The following ERN2 variants were observed in gnomAD, a reference collection of about 807,000 sequenced individuals.
ERN2 encodes the protein endoplasmic reticulum to nucleus signaling 2.
ERN2 carries 111 observed loss-of-function variants against 107.9 expected under a neutral mutation model. The observed-to-expected ratio is 1.03, with a 90% CI of 0.88 to 1.20. The LOEUF is 1.20. Among genes scored for constraint, ERN2 ranks in the 50% most tolerant of loss-of-function variants. The probability of loss-of-function intolerance (pLI) is 0.00; values close to 1 mark genes in which losing one functional copy is unlikely to be tolerated. For missense variants in ERN2, 1,225 were observed against 1,197.9 expected, an observed-to-expected ratio of 1.02 and a Z score of -0.33; for synonymous variants, 524 against 501.7, an observed-to-expected ratio of 1.04 and a Z score of -0.59.
chr16:23,692,964 AT>A (rs35837766), intron 17 of ERN2, among the ~76,000 whole-genome samples: 275 of 146,052 alleles, frequency 1.9e-3, no homozygotes, highest in African/African-American at 3.3e-3. Flanking sequence ...AGCGATTCTG[AT>A]TTTTTTTTTT....
At chr16:23,710,642 T>C in intron 2 of ERN2, 93 bp from the exon 3 acceptor site, 1 of 1,383,136 alleles carries the variant, frequency 7.2e-7, no homozygotes, top group Non-Finnish European at 1.0e-6. Context: ...ATGACTGTGA[T>C]GTCAAGCACT....
Position 23,705,093 on chromosome 16 carries a change from C to T in ERN2, c.644G>A (p.Gly215Glu), listed in dbSNP as rs768360632. 3.1e-6 allele frequency: 5 copies of T among 1,613,976 alleles called. No homozygotes were observed. The highest frequency in any genetic ancestry group is 4.2e-6 in the Non-Finnish European group (5 of 1,179,904). The change falls in exon 8 of 22, where the codon GGA (glycine) becomes GAA (glutamate). Residue 215 changes from glycine to glutamate, a missense_variant. Coordinates refer to ENST00000256797, the MANE Select transcript of ERN2 (RefSeq NM_033266.4). ...CTGTGTCCACAGCACCGTCCCGCTT[C>T]CTGGGTCCACAGTGAGCAGCAGGCC... Reference protein sequence around the residue: ...GMGLLLTVDPGSGTVLWTQDL... With the variant: ...GMGLLLTVDPESGTVLWTQDL...
chr16:23,690,345 A>G lies in ERN2; in HGVS notation c.*486T>C, dbSNP rs1269380655. Reference sequence around the variant, plus strand: ...AACTGTCCTTTCCTTGGCTTTATGCACATTAAACAGATGTGAATATTCTTT... The same window carrying G: ...AACTGTCCTTTCCTTGGCTTTATGCGCATTAAACAGATGTGAATATTCTTT... On this transcript the variant is annotated 3_prime_UTR_variant, in exon 22 of 22. Coordinates refer to ENST00000256797, the MANE Select transcript of ERN2 (RefSeq NM_033266.4). 17 of 546,932 alleles carry G rather than the reference A, an allele frequency of 3.1e-5. No individual in the cohort carries two copies. The highest frequency in any genetic ancestry group is 3.3e-5 in the Non-Finnish European group (10 of 304,282). The allele number at this position is 546,932 out of a possible 1,614,324, so 33.9% of individuals were successfully genotyped here.
chr16:23,704,793 GT>G, intron 8 of ERN2, 89 bp downstream of exon 8: 1 of 1,393,842 alleles, frequency 7.2e-7, no homozygotes, highest in Non-Finnish European at 9.9e-7. Context: ...GTACTGGTGT[GT>G]CACAGCTGAA....
intron 1 of ERN2, 65 bp downstream of exon 1, chr16:23,713,030 G>A: frequency 7.7e-7 from 1 of 1,290,830 alleles, no homozygotes; most frequent in African/African-American, 1.6e-5. Context: ...CGCCCCAAGT[G>A]CGACGCCGCC....
intron 4 of ERN2, chr16:23,709,240 G>A: frequency 2.2e-6 from 1 of 453,048 alleles, no homozygotes; most frequent in South Asian, 1.6e-5. Context: ...AGGCTGCAGT[G>A]AGCCTTGTGA....
At chr16:23,711,439 C>T (rs1283134221) in intron 1 of ERN2, among the ~76,000 whole-genome samples, 2 of 152,198 alleles carry the variant, frequency 1.3e-5, no homozygotes, top group Non-Finnish European at 2.9e-5. Context: ...TCACTGTGGC[C>T]TCAAACCCCT....
chr16:23,700,636 G>A lies in ERN2; in HGVS notation c.1428C>T (p.Ser476=). ...CCGAGTGCAGGGACTGGGCATCCTG[G>A]GAGATGTGAGCAAAGTCTGCAGGTG... ...PLAPADFAHI[S]QDAQSLHSGA... The change falls in exon 13 of 22, where the codon TCC becomes TCT. Residue 476 remains serine, a synonymous_variant. Coordinates refer to ENST00000256797, the MANE Select transcript of ERN2 (RefSeq NM_033266.4). 1 of 1,614,162 alleles carries A rather than the reference G, an allele frequency of 6.2e-7. No homozygotes were observed. The highest frequency in any genetic ancestry group is 1.1e-5 in the South Asian group (1 of 91,082).
At chr16:23,699,738 C>T (rs767130855) in intron 13 of ERN2, among the ~76,000 whole-genome samples, 1 of 152,016 alleles carries the variant, frequency 6.6e-6, no homozygotes, top group Non-Finnish European at 1.5e-5. Flanking sequence ...GGGCTTTAGT[C>T]TTTAGAAGAC....
At chr16:23,702,818 G>C (rs1230871251) in intron 8 of ERN2, 116 bp from the exon 9 acceptor site, 4 of 889,244 alleles carry the variant, frequency 4.5e-6, no homozygotes, top group Admixed American at 2.0e-5. Flanking sequence ...GCTTAGCCAT[G>C]AGACTTGCTT....
In ERN2 at chr16:23,695,497, G is replaced by A. The variant is rs188096969; in HGVS notation, c.1611-108C>T. On this transcript the variant is annotated intron_variant, in intron 14 of 21. Transcript: ENST00000256797. Reference sequence around the variant, plus strand: ...TCCTAGCACTTTGGGAGGCCAAGGCGGGCGGGTCACTTGAGGTCAGGAGTT... The same window carrying A: ...TCCTAGCACTTTGGGAGGCCAAGGCAGGCGGGTCACTTGAGGTCAGGAGTT... 438 of 1,100,270 alleles carry A rather than the reference G, an allele frequency of 4.0e-4. 2 individuals are homozygous for A. In the African/African-American group the frequency reaches 5.4e-3, roughly 13 times the overall value. 68.2% of individuals were successfully genotyped at this position (1,100,270 alleles called of 1,614,324 possible).
rs1959565963 is a variant in ERN2 at position 23,690,986 on chromosome 16, CAG to C, written c.2624_2625del (p.Pro875ArgfsTer28). On this transcript the variant is annotated frameshift_variant, in exon 22 of 22. Coordinates refer to ENST00000256797, the MANE Select transcript of ERN2 (RefSeq NM_033266.4). LOFTEE classifies it low-confidence loss of function (END_TRUNC). ...TTTGTGAAGTACTGGACGAAGCCAT[CAG>C]GGACTTGGCCGAGTGCCTGTCGCAC... ...VEVRQALGQVPDGFVQYFTNR... is the reference protein window; with the variant it reads ...VEVRQALGQVXDGFVQYFTNR... 2 of 1,614,044 alleles carry C rather than the reference CAG, an allele frequency of 1.2e-6. No homozygotes were observed. The highest frequency in any genetic ancestry group is 1.3e-5 in the African/African-American group (1 of 74,914).
chr16:23,690,978 G>A lies in ERN2; in HGVS notation c.2634C>T (p.Phe878=), dbSNP rs760290692. Residue 878 remains phenylalanine, a synonymous_variant, in exon 22 of 22, where the codon TTC becomes TTT. Transcript: ENST00000256797. ...GGAAGCGGTTTGTGAAGTACTGGAC[G>A]AAGCCATCAGGGACTTGGCCGAGTG... ...RQALGQVPDG[F]VQYFTNRFPR... The A allele has an allele frequency of 4.3e-6, 7 of 1,614,038 alleles. No homozygotes were observed. The highest frequency in any genetic ancestry group is 5.1e-6 in the Non-Finnish European group (6 of 1,180,038).
In ERN2 at chr16:23,710,445, C is replaced by G. The variant is rs549350555; in HGVS notation, c.233+71G>C. 3 of 1,523,872 alleles carry G rather than the reference C, an allele frequency of 2.0e-6. No homozygotes were observed. The East Asian group carries it at 6.8e-5, about 34-fold the overall frequency. 94.4% of individuals were successfully genotyped at this position (1,523,872 alleles called of 1,614,324 possible). A position where few individuals can be genotyped will look rare whatever the true frequency, so the allele number is the denominator to read the frequency against. On this transcript the variant is annotated intron_variant, in intron 3 of 21. Transcript: ENST00000256797. ...AACATGTCCCTGCCCCACATACAAA[C>G]TCTCTCCAGACAACTATGAGTCCCC... is the stretch of plus-strand genomic sequence containing the variant.
chr16:23,701,872 G>A (rs1257152920), intron 11 of ERN2, among the ~76,000 whole-genome samples: 6 of 151,920 alleles, frequency 3.9e-5, no homozygotes, highest in South Asian at 2.1e-4. Flanking sequence ...CTGACCTCAA[G>A]CCATCCATCC....
intron 17 of ERN2, among the ~76,000 whole-genome samples, chr16:23,693,091 A>AAGACC (rs970500391): frequency 6.6e-5 from 10 of 151,640 alleles, no homozygotes; most frequent in Non-Finnish European, 1.5e-5. Flanking sequence ...CCAGGAGTTC[A>AAGACC]AGACCAGCGT....
At chr16:23,707,260 A>C (rs1413064613) in intron 4 of ERN2, 181 bp from the exon 5 acceptor site, 3 of 603,972 alleles carry the variant, frequency 5.0e-6, no homozygotes, top group Non-Finnish European at 6.1e-6. Flanking sequence ...CAGCTACTAA[A>C]TGGCAGAGCC....
At chr16:23,710,657 G>T in intron 2 of ERN2, 108 bp from the exon 3 acceptor site, 1 of 1,296,162 alleles carries the variant, frequency 7.7e-7, no homozygotes, top group South Asian at 1.2e-5. Flanking sequence ...AGCACTTGGT[G>T]TGAATGTAAT....
rs755903347 is a variant in ERN2, at chr16:23,702,663, A to G, written c.894T>C (p.Tyr298=). 3.7e-6 allele frequency: 6 copies of G among 1,614,114 alleles called. No individual in the cohort carries two copies. The highest frequency in any genetic ancestry group is 5.1e-6 in the Non-Finnish European group (6 of 1,180,036). Residue 298 remains tyrosine (Y), a synonymous_variant, in exon 9 of 22, where the codon TAT becomes TAC. Transcript: ENST00000256797. ...LYVGKDETGF[Y]VSKALVHTGV... ...CTGTGTGGACCAGTGCTTTAGAGACATAGAAGCCAGTTTCATCCTTCCCCA... is the reference window on the plus strand; with the variant it reads ...CTGTGTGGACCAGTGCTTTAGAGACGTAGAAGCCAGTTTCATCCTTCCCCA...
Sources: gnomAD v4.1 joint callset for allele counts (sites outside exome capture counted in the v4.1 genomes callset) on GRCh38, gnomAD v4.1.1 for gene constraint, MANE v1.5 for transcripts, NCBI Gene and HGNC (gene_info 2026-07-23, HGNC 2026-07-21) for gene names.